Variants in ARHGAP19 observed in about 807,000 individuals in gnomAD.
ARHGAP19 encodes Rho GTPase activating protein 19.
In ARHGAP19, 48 loss-of-function variants were observed where a neutral mutation model predicts 60.9. The observed-to-expected ratio is 0.79, with a 90% confidence interval of 0.62 to 1.00. ARHGAP19 has a LOEUF of 1.00. Ranked by LOEUF, ARHGAP19 falls within the 50% of genes least tolerant of loss-of-function variation. The pLI, the probability that ARHGAP19 is intolerant of heterozygous loss-of-function variation, is 0.00. For missense variants in ARHGAP19, 562 were observed against 597.2 expected (o/e 0.94, Z 0.61); for synonymous variants, 209 against 215.5 (o/e 0.97, Z 0.27).
At chr10:97,243,775 C>T (rs1156329375) in intron 8 of ARHGAP19, among the ~76,000 whole-genome samples, 193 bp downstream of exon 8, 1 of 152,168 alleles carries the variant, frequency 6.6e-6, no homozygotes, top group African/African-American at 2.4e-5. Context: ...TCCTGCTTAA[C>T]TAGAAATCAA....
In ARHGAP19 at chr10:97,292,555, G is replaced by T. The variant is rs1442853873; in HGVS notation, c.56+17C>A. 1 of 1,614,132 alleles carries T rather than the reference G, an allele frequency of 6.2e-7. No homozygotes were observed. The highest frequency in any genetic ancestry group is 2.2e-5 in the East Asian group (1 of 44,876). On this transcript the variant is annotated intron_variant, in intron 1 of 11. Transcript: ENST00000358531. ...CAAGGCCGCGTTTCCCAGGAAACTG[G>T]ACCAAACTCAGCTCACCTCCGGCCG...
chr10:97,229,194 G>T lies in ARHGAP19; in HGVS notation c.1427C>A (p.Thr476Lys). 6.2e-7 allele frequency: 1 copy of T among 1,614,100 alleles called. No individual in the cohort carries two copies. The highest frequency in any genetic ancestry group is 1.3e-5 in the African/African-American group (1 of 75,048). ...LFSGSPAVTMTPTRLKWSEGK... is the reference protein window; with the variant it reads ...LFSGSPAVTMKPTRLKWSEGK... ...TTCAGACCACTTCAATCTTGTTGGT[G>T]TCATCGTGACAGCTGGAGAGCCAGA... is the stretch of plus-strand genomic sequence containing the variant. Residue 476 changes from threonine to lysine, a missense_variant, in exon 11 of 12, where the codon ACA becomes AAA. By Grantham distance (78) the Thr-to-Lys change is moderately conservative (BLOSUM62 -1). Transcript: ENST00000358531.
At chr10:97,264,725 T>A in intron 3 of ARHGAP19, 101 bp downstream of exon 3, 2 of 768,760 alleles carry the variant, frequency 2.6e-6, no homozygotes, top group Non-Finnish European at 4.3e-6. Flanking sequence ...AGTTCCTTTG[T>A]TGATGGTTAA....
chr10:97,246,550 C>CACCAATG (rs781465275), intron 6 of ARHGAP19, among the ~76,000 whole-genome samples: 23 of 152,120 alleles, frequency 1.5e-4, no homozygotes, highest in Admixed American at 5.3e-4. Flanking sequence ...TGTGAGAAGA[C>CACCAATG]ACCAATGTAG....
At chr10:97,287,210 C>A (rs1843167197) in intron 1 of ARHGAP19, among the ~76,000 whole-genome samples, 1 of 152,154 alleles carries the variant, frequency 6.6e-6, no homozygotes. Context: ...CTCCCCCTCC[C>A]AAAATACTGG....
At chr10:97,239,128 A>C (rs1372305549) in intron 8 of ARHGAP19, among the ~76,000 whole-genome samples, 1 of 152,226 alleles carries the variant, frequency 6.6e-6, no homozygotes, top group Non-Finnish European at 1.5e-5. Context: ...TGATGTTCAC[A>C]CAACAATGAA....
chr10:97,270,312 AG>A (rs770372420), intron 1 of ARHGAP19, among the ~76,000 whole-genome samples: 1 of 152,180 alleles, frequency 6.6e-6, no homozygotes, highest in Non-Finnish European at 1.5e-5. Flanking sequence ...AATATCTAAG[AG>A]ATGGAAATAG....
At chr10:97,259,985 G>A (rs974801385) in intron 4 of ARHGAP19, among the ~76,000 whole-genome samples, 2 of 151,642 alleles carry the variant, frequency 1.3e-5, no homozygotes, top group African/African-American at 2.4e-5. Context: ...ATAGGCACCC[G>A]CCACCACGCC....
chr10:97,266,071 G>C lies in ARHGAP19; in HGVS notation c.111C>G (p.Pro37=). Residue 37 remains proline (P), a synonymous_variant, in exon 2 of 12, where the codon CCC becomes CCG. Coordinates refer to ENST00000358531, the MANE Select transcript of ARHGAP19 (RefSeq NM_032900.6). The part of the protein sequence containing the change: ...ICNDSSLRGQ[P]IIFNPDFFVE... ...CAAAAAAGTCAGGATTAAAGATAAT[G>C]GGCTGACCTCGAAGGGAAGAATCAT... is the stretch of plus-strand genomic sequence containing the variant. 6.2e-7 allele frequency: 1 copy of C among 1,614,164 alleles called. No individual in the cohort carries two copies. The highest frequency in any genetic ancestry group is 1.3e-5 in the African/African-American group (1 of 75,036).
chr10:97,228,064 C>G (rs1850931436), intron 11 of ARHGAP19, among the ~76,000 whole-genome samples: 1 of 152,212 alleles, frequency 6.6e-6, no homozygotes, highest in African/African-American at 2.4e-5. Flanking sequence ...CTCAAACCCC[C>G]ATCTTGTCTC....
At chr10:97,265,266 C>T in intron 2 of ARHGAP19, 1 of 188,424 alleles carries the variant, frequency 5.3e-6, no homozygotes, top group Non-Finnish European at 1.1e-5. Context: ...CTTTGGGAGG[C>T]TGAGGTGGGA....
At chr10:97,272,445 T>C (rs1026622832) in intron 1 of ARHGAP19, among the ~76,000 whole-genome samples, 1 of 152,164 alleles carries the variant, frequency 6.6e-6, no homozygotes, top group Non-Finnish European at 1.5e-5. Context: ...TTCTATTTTC[T>C]GAAAAAATTT....
chr10:97,242,914 T>A (rs1842511148), intron 8 of ARHGAP19, among the ~76,000 whole-genome samples: 1 of 152,192 alleles, frequency 6.6e-6, no homozygotes, highest in African/African-American at 2.4e-5. Flanking sequence ...CCTCCCAAAG[T>A]GCTGGGATTA....
chr10:97,237,567 T>A (rs1463224826), intron 8 of ARHGAP19, among the ~76,000 whole-genome samples: 1 of 152,126 alleles, frequency 6.6e-6, no homozygotes, highest in African/African-American at 2.4e-5. Flanking sequence ...CAGTACATAA[T>A]TCTTGATAAT....
At chr10:97,259,776 C>T (rs1042943305) in intron 4 of ARHGAP19, 148 bp from the exon 5 acceptor site, 1 of 630,276 alleles carries the variant, frequency 1.6e-6, no homozygotes, top group Non-Finnish European at 2.8e-6. Flanking sequence ...TACAGCAAAA[C>T]ATAATAACAA....
At chr10:97,252,453 T>C (rs1842697466) in intron 6 of ARHGAP19, among the ~76,000 whole-genome samples, 1 of 150,400 alleles carries the variant, frequency 6.6e-6, no homozygotes, top group Non-Finnish European at 1.5e-5. Context: ...AAACCCCGTC[T>C]CTACTAAAAA....
At chr10:97,250,660 G>A (rs919807548) in intron 6 of ARHGAP19, among the ~76,000 whole-genome samples, 2 of 151,658 alleles carry the variant, frequency 1.3e-5, no homozygotes, top group African/African-American at 2.4e-5. Flanking sequence ...TTACAGGAGT[G>A]AGCCACCACG....
intron 1 of ARHGAP19, among the ~76,000 whole-genome samples, chr10:97,284,574 C>T (rs184830363): frequency 1.8e-3 from 270 of 152,214 alleles, no homozygotes; most frequent in African/African-American, 6.1e-3. Flanking sequence ...GGCATACTCA[C>T]GGTTCAGTGC....
At chr10:97,251,210 G>GGAAGGGGAATT (rs777519864) in intron 6 of ARHGAP19, among the ~76,000 whole-genome samples, 374 of 24,754 alleles carry the variant, frequency 0.015, 6 homozygotes, top group Non-Finnish European at 0.029. Flanking sequence ...AAAGGGAAGG[G>GGAAGGGGAATT]GAAGGGGAAT....
Sources: allele counts gnomAD v4.1 joint callset (sites outside exome capture counted in the v4.1 genomes callset), GRCh38; gene constraint gnomAD v4.1.1; transcripts MANE v1.5; gene names NCBI Gene and HGNC (gene_info 2026-07-23, HGNC 2026-07-21).